Variants in LIPA observed in about 807,000 individuals in gnomAD.
LIPA encodes lipase A, lysosomal acid type, also known as lysosomal acid lipase/cholesteryl ester hydrolase.
LIPA carries 26 observed loss-of-function variants against 40.6 expected under a neutral mutation model. That is an observed-to-expected ratio of 0.64 (90% CI 0.47 to 0.89). The LOEUF (loss-of-function observed/expected upper bound fraction) is 0.89. Ranked by LOEUF, LIPA falls within the 40% of genes least tolerant of loss-of-function variation. The pLI, the probability that LIPA is intolerant of heterozygous loss-of-function variation, is 0.00. For synonymous variants in LIPA, 188 were observed against 168.4 expected (o/e 1.12, Z -0.90); for missense variants, 455 against 479.6 (o/e 0.95, Z 0.48).
chr10:89,392,470 C>CA, intron 2 of LIPA: 13 of 197,762 alleles, frequency 6.6e-5, no homozygotes, highest in South Asian at 4.3e-4. Context: ...TTTCATTCCC[C>CA]ACCCCCCCCC....
At chr10:89,406,988 G>A (rs934128854) in intron 2 of LIPA, among the ~76,000 whole-genome samples, 2 of 152,178 alleles carry the variant, frequency 1.3e-5, no homozygotes, top group African/African-American at 4.8e-5. Flanking sequence ...AGCAACTAGT[G>A]TGGCCGCCAG....
intron 1 of LIPA, among the ~76,000 whole-genome samples, chr10:89,271,841 C>T (rs1006874077): frequency 6.6e-6 from 1 of 151,960 alleles, no homozygotes; most frequent in Non-Finnish European, 1.5e-5. Context: ...GCCGGCAGAT[C>T]ATTTGAGCCT....
intron 2 of LIPA, among the ~76,000 whole-genome samples, chr10:89,389,628 G>A (rs538755346): frequency 1.3e-5 from 2 of 152,332 alleles, no homozygotes; most frequent in East Asian, 3.8e-4. Context: ...TTAATAAGTT[G>A]TGATTGGATA....
At chr10:89,343,840 T>C (rs1292170321), upstream of LIPA, among the ~76,000 whole-genome samples, 1 of 152,206 alleles carries the variant, frequency 6.6e-6, no homozygotes, top group Non-Finnish European at 1.5e-5. Flanking sequence ...TCTCAATTTT[T>C]ATTATGATTT....
intron 8 of LIPA, among the ~76,000 whole-genome samples, chr10:89,216,581 T>TA (rs1842630425): frequency 6.6e-6 from 1 of 152,006 alleles, no homozygotes; most frequent in Non-Finnish European, 1.5e-5. Flanking sequence ...AATAAAACAA[T>TA]AAAAAATACA....
At chr10:89,323,487 G>T (rs1462805216) in intron 1 of LIPA, among the ~76,000 whole-genome samples, 1 of 151,888 alleles carries the variant, frequency 6.6e-6, no homozygotes, top group Non-Finnish European at 1.5e-5. Context: ...AAGAGAGGAA[G>T]TCAAACTATC....
intron 1 of LIPA, among the ~76,000 whole-genome samples, chr10:89,309,942 C>T (rs1354482094): frequency 6.6e-6 from 1 of 152,180 alleles, no homozygotes; most frequent in Non-Finnish European, 1.5e-5. Context: ...TAGTAGATGT[C>T]TCCTATGTGC....
Position 89,216,469 on chromosome 10 carries a change from TTATAA to T in LIPA, c.895-465_895-461del, listed in dbSNP as rs1347475013. Among the ~76,000 whole-genome samples, 10 of 150,832 alleles carry T rather than the reference TTATAA, an allele frequency of 6.6e-5. No individual in the cohort carries two copies. The South Asian group carries it at 2.1e-3, about 31-fold the overall frequency. Reference sequence around the variant, plus strand: ...AGATGGATATATATAGATAAAATAATTATAATATACAATTGGCCCTCCATATCCAG... The same window carrying T: ...AGATGGATATATATAGATAAAATAATTATACAATTGGCCCTCCATATCCAG... On this transcript the variant is annotated intron_variant, in intron 8 of 9. Transcript: ENST00000336233.
rs1235130285 is a variant in LIPA, at chr10:89,323,826, G to A, written c.-2+18785C>T. ...GAAATGCTCATGGATAGGAAGAATC[G>A]ATATTGCTAAAATGGCCATACTACC... On this transcript the variant is annotated intron_variant, in intron 1 of 5. Coordinates refer to the LIPA transcript ENST00000282673. Among the ~76,000 whole-genome samples, 7 of 152,108 alleles carry A rather than the reference G, an allele frequency of 4.6e-5. No homozygotes were observed. In the East Asian group the frequency reaches 5.8e-4, roughly 13 times the overall value.
intron 1 of LIPA, among the ~76,000 whole-genome samples, chr10:89,276,248 C>T (rs1246841603): frequency 6.6e-6 from 1 of 152,214 alleles, no homozygotes; most frequent in African/African-American, 2.4e-5. Flanking sequence ...TCACCCTCAT[C>T]CAAGTCCTGA....
chr10:89,221,958 A>G (rs991644326), intron 8 of LIPA, among the ~76,000 whole-genome samples: 10 of 152,164 alleles, frequency 6.6e-5, no homozygotes, highest in African/African-American at 1.9e-4. Flanking sequence ...TAGAATGAAC[A>G]TGACTTATTT....
intron 7 of LIPA, among the ~76,000 whole-genome samples, chr10:89,222,812 T>C (rs1842717573): frequency 6.6e-6 from 1 of 152,192 alleles, no homozygotes; most frequent in African/African-American, 2.4e-5. Context: ...AGCACGGGAC[T>C]GTGTGGGTTT....
chr10:89,291,230 TCCTC>T (rs1650948045), intron 1 of LIPA, among the ~76,000 whole-genome samples: 2 of 151,948 alleles, frequency 1.3e-5, no homozygotes. Context: ...ATTCTCTTCT[TCCTC>T]ATTTTTTCCC....
intron 2 of LIPA, among the ~76,000 whole-genome samples, chr10:89,355,180 C>T (rs1305796495): frequency 6.6e-6 from 1 of 152,158 alleles, no homozygotes; most frequent in Admixed American, 6.5e-5. Context: ...TTATGTCTGC[C>T]CCCTAGTAGG....
At chr10:89,250,067 C>CT (rs1315311930) in intron 1 of LIPA, among the ~76,000 whole-genome samples, 1 of 120,238 alleles carries the variant, frequency 8.3e-6, no homozygotes, top group Non-Finnish European at 1.7e-5. Context: ...AAATTCTTTT[C>CT]TTTTTTCTTT....
In LIPA at chr10:89,219,782, C is replaced by T. The variant is rs189743093; in HGVS notation, c.894+2729G>A. Among the ~76,000 whole-genome samples, 16 of 152,284 alleles carry T rather than the reference C, an allele frequency of 1.1e-4. No individual in the cohort carries two copies. The East Asian group carries it at 1.7e-3, about 17-fold the overall frequency. On this transcript the variant is annotated intron_variant, in intron 8 of 9. Coordinates refer to ENST00000336233, the MANE Select transcript of LIPA (RefSeq NM_000235.4). The stretch of plus-strand genomic sequence containing the variant: ...AGGAGGGAAAGCCAAAGGGAAGATC[C>T]GATACAATGGCTGCACAAAGCAACC...
At chr10:89,243,611 A>G (rs978536351) in intron 3 of LIPA, among the ~76,000 whole-genome samples, 3 of 151,982 alleles carry the variant, frequency 2.0e-5, no homozygotes, top group African/African-American at 7.3e-5. Context: ...AAAAGAAAAA[A>G]CAAAGCACAC....
intron 1 of LIPA, chr10:89,339,626 A>G: frequency 6.2e-7 from 1 of 1,614,232 alleles, no homozygotes; most frequent in Non-Finnish European, 8.5e-7. Context: ...GCTCTTGAGA[A>G]GGGACTGAAT....
rs371125008 is a variant in LIPA, at chr10:89,293,876, T to G, written c.-1-46227A>C. On this transcript the variant is annotated intron_variant, in intron 1 of 5. Transcript: ENST00000282673. ...ACAAAGTTACGTTGAGGGTTAGGGC[T>G]TCAATGATGAATTTTGGGAAAGGAG... 5.1e-4 allele frequency among the ~76,000 whole-genome samples: 78 copies of G among 152,272 alleles called. 1 individual carries two copies. The highest frequency in any genetic ancestry group is 1.7e-3 in the African/African-American group (72 of 41,550).
Sources: allele counts gnomAD v4.1 joint callset (sites outside exome capture counted in the v4.1 genomes callset), GRCh38; gene constraint gnomAD v4.1.1; transcripts MANE v1.5; gene names NCBI Gene and HGNC (gene_info 2026-07-23, HGNC 2026-07-21).